Variants in DYNC2I2 observed in about 807,000 individuals in gnomAD.
DYNC2I2 encodes cytoplasmic dynein 2 intermediate chain 2.
Under a neutral mutation model 52.0 loss-of-function variants are expected in DYNC2I2, and 39 were observed. The ratio of observed to expected loss-of-function variants is 0.75; its 90% CI spans 0.58 to 0.98. The LOEUF (loss-of-function observed/expected upper bound fraction) is 0.98, where lower values mean the gene tolerates loss of function less well. Ranked by LOEUF, DYNC2I2 falls within the 50% of genes least tolerant of loss-of-function variation. The probability of loss-of-function intolerance (pLI) is 0.00; values close to 1 mark genes in which losing one functional copy is unlikely to be tolerated. For synonymous variants in DYNC2I2, 359 were observed against 321.1 expected (o/e 1.12, Z -1.26); for missense variants, 743 against 728.4 (o/e 1.02, Z -0.23).
chr9:128,676,123 A>G, the DYNC2I2 span, among the ~76,000 whole-genome samples: 1 of 151,970 alleles, frequency 6.6e-6, no homozygotes, highest in African/African-American at 2.4e-5. Context: ...AGCTATGATC[A>G]CACCACTGCA....
chr9:128,656,432 C>T, intron 1 of DYNC2I2, 109 bp downstream of exon 1: 1 of 939,890 alleles, frequency 1.1e-6, no homozygotes, highest in Admixed American at 4.7e-5. Context: ...CACGGTGGGA[C>T]GCCCGAACCC....
At chr9:128,668,893 A>T in the DYNC2I2 span, among the ~76,000 whole-genome samples, 1 of 151,974 alleles carries the variant, frequency 6.6e-6, no homozygotes, top group South Asian at 2.1e-4. Flanking sequence ...TTACCGGGAC[A>T]GTGTATATGG....
the DYNC2I2 span, among the ~76,000 whole-genome samples, chr9:128,671,454 C>G: frequency 6.7e-6 from 1 of 149,822 alleles, no homozygotes; most frequent in Non-Finnish European, 1.5e-5. Flanking sequence ...GGCACATGCA[C>G]CAGGCCTGGC....
chr9:128,645,167 G>T lies in DYNC2I2; in HGVS notation c.187-4228C>A, dbSNP rs1335979327. Among the ~76,000 whole-genome samples the T allele has an allele frequency of 2.0e-5, 3 of 146,958 alleles. No homozygotes were observed. The Admixed American group carries it at 2.1e-4, about 10-fold the overall frequency. ...GGAGTTCAAGACCAGCCTGACCAAT[G>T]TGGTGAAACCCCATCTCTACTAAAA... On this transcript the variant is annotated intron_variant, in intron 1 of 8. Coordinates refer to ENST00000372715, the MANE Select transcript of DYNC2I2 (RefSeq NM_052844.4).
intron 2 of DYNC2I2, among the ~76,000 whole-genome samples, chr9:128,639,322 C>T (rs769090237): frequency 2.0e-5 from 3 of 151,892 alleles, no homozygotes; most frequent in Admixed American, 1.3e-4. Flanking sequence ...TGCTTGGACC[C>T]GGGAGGCAGA....
Position 128,656,715 on chromosome 9 carries a change from G to T in DYNC2I2, c.12C>A (p.Arg4=). 1 of 1,427,266 alleles carries T rather than the reference G, an allele frequency of 7.0e-7. No individual in the cohort carries two copies. Among genetic ancestry groups the T allele is most frequent in the Non-Finnish European group, 9.1e-7 (1 of 1,098,924 alleles). 88.4% of individuals were successfully genotyped at this position (1,427,266 alleles called of 1,614,324 possible). The change falls in exon 1 of 9, where the codon CGC becomes CGA. Residue 4 remains arginine (R), a synonymous_variant. Coordinates refer to ENST00000372715, the MANE Select transcript of DYNC2I2 (RefSeq NM_052844.4). ...CCTGGCTGAGTGGCCCCGGCTGCGC[G>T]CGGGTTGCCATGGAGACGGTTCCGC... MAT[R]AQPGPLSQAG... is the part of the protein sequence containing the mutation.
chr9:128,646,700 A>G (rs2132168581), intron 1 of DYNC2I2, among the ~76,000 whole-genome samples: 1 of 152,138 alleles, frequency 6.6e-6, no homozygotes, highest in Middle Eastern at 3.4e-3. Flanking sequence ...AAATTATGCT[A>G]AGGAAGGCAC....
At chr9:128,642,072 G>T (rs931864420) in intron 1 of DYNC2I2, among the ~76,000 whole-genome samples, 8 of 151,866 alleles carry the variant, frequency 5.3e-5, no homozygotes, top group African/African-American at 1.9e-4. Flanking sequence ...CGGATCACAA[G>T]ATCAGGAGAT....
chr9:128,662,087 G>T, the DYNC2I2 span, among the ~76,000 whole-genome samples: 1 of 151,426 alleles, frequency 6.6e-6, no homozygotes, highest in African/African-American at 2.4e-5. Flanking sequence ...CAAAAAATTA[G>T]CTGGGCATGG....
At chr9:128,669,165 A>G in the DYNC2I2 span, among the ~76,000 whole-genome samples, 1 of 152,010 alleles carries the variant, frequency 6.6e-6, no homozygotes, top group Non-Finnish European at 1.5e-5. Flanking sequence ...GGAGATCAAG[A>G]CCATCCTGGC....
chr9:128,635,465 G>T, intron 5 of DYNC2I2, 193 bp downstream of exon 5: 1 of 798,938 alleles, frequency 1.3e-6, no homozygotes, highest in Non-Finnish European at 2.0e-6. Context: ...CTCGGTGCCT[G>T]CAGAGGAGGC....
chr9:128,639,930 T>G lies in DYNC2I2; in HGVS notation c.435+761A>C, dbSNP rs968692149. Among the ~76,000 whole-genome samples, 4 of 152,158 alleles carry G rather than the reference T, an allele frequency of 2.6e-5. No individual in the cohort carries two copies. The East Asian group carries it at 7.7e-4, about 29-fold the overall frequency. ...ATCCACCCACCTTGGCCTCCCAAAGTGCTGGGATTACAGGCGTGAGCCACT... is the reference window on the plus strand; with the variant it reads ...ATCCACCCACCTTGGCCTCCCAAAGGGCTGGGATTACAGGCGTGAGCCACT... On this transcript the variant is annotated intron_variant, in intron 2 of 8. Transcript: ENST00000372715.
the DYNC2I2 span, among the ~76,000 whole-genome samples, chr9:128,679,604 A>C: frequency 6.6e-6 from 1 of 151,380 alleles, no homozygotes; most frequent in Admixed American, 6.6e-5. Context: ...GCTGGGACTA[A>C]AGTCACATGC....
the DYNC2I2 span, among the ~76,000 whole-genome samples, chr9:128,672,372 T>G: frequency 6.6e-6 from 1 of 151,874 alleles, no homozygotes; most frequent in African/African-American, 2.4e-5. Context: ...TTTTATAGTT[T>G]CAGTAGAAAC....
Position 128,656,739 on chromosome 9 carries a change from G to T in DYNC2I2, c.-13C>A. The T allele has an allele frequency of 7.3e-7, 1 of 1,366,166 alleles. No individual in the cohort carries two copies. The highest frequency in any genetic ancestry group is 9.4e-7 in the Non-Finnish European group (1 of 1,060,902). The allele number at this position is 1,366,166 out of a possible 1,614,324, so 84.6% of individuals were successfully genotyped here. On this transcript the variant is annotated 5_prime_UTR_variant, in exon 1 of 9. Transcript: ENST00000372715. ...CGCGGGTTGCCATGGAGACGGTTCC[G>T]CCCTCTCGTGCGGACGCACTCAGGC...
At chr9:128,682,641 C>G in the DYNC2I2 span, among the ~76,000 whole-genome samples, 3 of 149,648 alleles carry the variant, frequency 2.0e-5, no homozygotes, top group East Asian at 5.9e-4. Context: ...CACTAATGTA[C>G]TTGAGCCTCA....
intron 1 of DYNC2I2, among the ~76,000 whole-genome samples, chr9:128,647,250 G>C (rs916995435): frequency 2.6e-5 from 4 of 152,206 alleles, no homozygotes; most frequent in Non-Finnish European, 5.9e-5. Context: ...TTGGGGATGA[G>C]GCCCAAGTCC....
At chr9:128,679,391 C>A in the DYNC2I2 span, among the ~76,000 whole-genome samples, 2 of 152,106 alleles carry the variant, frequency 1.3e-5, no homozygotes, top group African/African-American at 4.8e-5. Flanking sequence ...CCTTTTCTTC[C>A]ACCAGAGAAA....
intron 2 of DYNC2I2, among the ~76,000 whole-genome samples, chr9:128,639,543 G>C (rs933694193): frequency 1.3e-5 from 2 of 150,478 alleles, no homozygotes; most frequent in Non-Finnish European, 3.0e-5. Flanking sequence ...AGTGAAACCA[G>C]AGAGACTGGG....
Sources: allele counts gnomAD v4.1 joint callset (sites outside exome capture counted in the v4.1 genomes callset), GRCh38; gene constraint gnomAD v4.1.1; transcripts MANE v1.5; gene names NCBI Gene and HGNC (gene_info 2026-07-23, HGNC 2026-07-21).